Variants in RMDN2 observed in about 807,000 individuals in gnomAD.
RMDN2 encodes regulator of microtubule dynamics protein 2.
A neutral mutation model predicts 52.8 loss-of-function variants in RMDN2; 61 were observed. The observed-to-expected ratio is 1.16, with a 90% CI of 0.94 to 1.43. The LOEUF is 1.43. Ranked by LOEUF, RMDN2 falls within the 40% of genes most tolerant of loss-of-function variation. RMDN2 has a pLI of 0.00. For synonymous variants in RMDN2, 180 were observed against 153.1 expected, an observed-to-expected ratio of 1.18 and a Z score of -1.30; for missense variants, 592 against 475.3, an observed-to-expected ratio of 1.25 and a Z score of -2.28.
chr2:38,014,089 A>G (rs1471115378), intron 10 of RMDN2, among the ~76,000 whole-genome samples: 1 of 151,856 alleles, frequency 6.6e-6, no homozygotes, highest in Non-Finnish European at 1.5e-5. Context: ...GCACATGCCT[A>G]TAATCCCAGC....
At chr2:38,025,306 G>C (rs1679695653) in intron 10 of RMDN2, among the ~76,000 whole-genome samples, 2 of 151,842 alleles carry the variant, frequency 1.3e-5, no homozygotes, top group African/African-American at 4.8e-5. Flanking sequence ...ATTGTATATA[G>C]AAATGCAGTT....
At chr2:37,978,041 G>T (rs183526675) in intron 4 of RMDN2, among the ~76,000 whole-genome samples, 295 of 152,286 alleles carry the variant, frequency 1.9e-3, no homozygotes, top group African/African-American at 6.7e-3. Flanking sequence ...ATTGAGCACT[G>T]AGTGAGTGAG....
At chr2:37,996,601 G>GAAAAAAAAAAAAAAAAAAAAAAAA (rs1161536445) in intron 7 of RMDN2, among the ~76,000 whole-genome samples, 3 of 58,004 alleles carry the variant, frequency 5.2e-5, no homozygotes, top group African/African-American at 7.6e-5. Flanking sequence ...AAAAAAAAAA[G>GAAAAAAAAAAAAAAAAAAAAAAAA]AAAAAAAAAA....
chr2:38,042,174 A>G (rs1311418541), intron 10 of RMDN2, among the ~76,000 whole-genome samples: 1 of 152,008 alleles, frequency 6.6e-6, no homozygotes, highest in Non-Finnish European at 1.5e-5. Flanking sequence ...GTGTGTTTTG[A>G]TAGTTTGTGT....
At chr2:38,038,156 C>G (rs1680711333) in intron 10 of RMDN2, among the ~76,000 whole-genome samples, 1 of 152,114 alleles carries the variant, frequency 6.6e-6, no homozygotes, top group Non-Finnish European at 1.5e-5. Context: ...TCCATTTCAG[C>G]CAGCAAAAAT....
At chr2:38,008,721 T>C (rs912543625) in intron 10 of RMDN2, among the ~76,000 whole-genome samples, 4 of 152,218 alleles carry the variant, frequency 2.6e-5, no homozygotes, top group African/African-American at 9.7e-5. Context: ...GTTAATATTG[T>C]TATGTGTGAA....
intron 2 of RMDN2, among the ~76,000 whole-genome samples, chr2:37,967,690 C>T (rs1401615853): frequency 1.3e-5 from 2 of 152,238 alleles, no homozygotes; most frequent in Admixed American, 1.3e-4. Context: ...TACTCCTGCT[C>T]ATTCCTCTCA....
In RMDN2 at chr2:38,004,166, G is replaced by A; in HGVS notation, c.1129G>A (p.Ala377Thr). 1 of 1,613,770 alleles carries A rather than the reference G, an allele frequency of 6.2e-7. No individual in the cohort carries two copies. Among genetic ancestry groups the A allele is most frequent in the Non-Finnish European group, 8.5e-7 (1 of 1,179,812 alleles). The change falls in exon 10 of 11, where the codon GCT becomes ACT. Residue 377 changes from alanine (A) to threonine (T), a missense_variant. Coordinates refer to ENST00000354545, the MANE Select transcript of RMDN2 (RefSeq NM_001170791.3). ...TACTGATCTTGAGGAAAACCAGAAT[G>A]CTTTGAAGTTCTGTAATTTGGCTTT... Reference protein sequence around the residue: ...CYTDLEENQNALKFCNLALLL... With the variant: ...CYTDLEENQNTLKFCNLALLL...
downstream of RMDN2, among the ~76,000 whole-genome samples, chr2:38,019,632 A>G (rs760414078): frequency 6.6e-6 from 1 of 152,206 alleles, no homozygotes; most frequent in African/African-American, 2.4e-5. Flanking sequence ...GCCCCCTTCC[A>G]GAGTCATACT....
intron 2 of RMDN2, among the ~76,000 whole-genome samples, chr2:37,933,483 T>C (rs1020274559): frequency 1.3e-5 from 2 of 152,238 alleles, no homozygotes; most frequent in South Asian, 2.1e-4. Flanking sequence ...CTGGGCACCA[T>C]TGAGCACTGA....
chr2:38,052,555 G>T (rs1681665310), intron 10 of RMDN2, among the ~76,000 whole-genome samples: 1 of 152,120 alleles, frequency 6.6e-6, no homozygotes, highest in African/African-American at 2.4e-5. Flanking sequence ...CATTTTTGCT[G>T]TGTTGCTGGT....
intron 10 of RMDN2, among the ~76,000 whole-genome samples, chr2:38,045,348 C>T (rs1285432576): frequency 6.6e-6 from 1 of 152,178 alleles, no homozygotes; most frequent in Non-Finnish European, 1.5e-5. Flanking sequence ...AACACTCTTA[C>T]ACTCTTAGCA....
At chr2:38,009,790 T>G (rs984891181) in intron 10 of RMDN2, among the ~76,000 whole-genome samples, 1 of 152,206 alleles carries the variant, frequency 6.6e-6, no homozygotes. Flanking sequence ...GGCGCTCTGA[T>G]TTTTAGAGTT....
intron 6 of RMDN2, among the ~76,000 whole-genome samples, chr2:37,989,838 G>A (rs1006196933): frequency 3.3e-5 from 5 of 152,148 alleles, no homozygotes; most frequent in African/African-American, 1.2e-4. Context: ...AAATTATTTG[G>A]GTGATTAAAG....
intron 4 of RMDN2, among the ~76,000 whole-genome samples, chr2:37,979,246 GAGA>G (rs760925738): frequency 2.0e-5 from 3 of 152,144 alleles, no homozygotes; most frequent in African/African-American, 2.4e-5. Context: ...GGAGGAGGGA[GAGA>G]AGGAGAGGCA....
downstream of RMDN2, among the ~76,000 whole-genome samples, chr2:38,017,987 G>C (rs1679031487): frequency 6.6e-6 from 1 of 152,186 alleles, no homozygotes; most frequent in African/African-American, 2.4e-5. Flanking sequence ...GAGCCAGGAT[G>C]AGCCCGGAGA....
intron 8 of RMDN2, among the ~76,000 whole-genome samples, chr2:38,003,599 G>GATAGATAGATAA: frequency 1.3e-5 from 2 of 152,036 alleles, no homozygotes; most frequent in East Asian, 3.9e-4. Flanking sequence ...TAGATAGATA[G>GATAGATAGATAA]ATAGGCAGAC....
chr2:37,950,765 A>G (rs563400696), intron 2 of RMDN2, among the ~76,000 whole-genome samples: 54 of 152,296 alleles, frequency 3.5e-4, no homozygotes, highest in African/African-American at 1.2e-3. Flanking sequence ...CATGGTTAAT[A>G]TTTTAAAATA....
chr2:37,954,252 C>T (rs963883007), intron 2 of RMDN2, among the ~76,000 whole-genome samples: 1 of 151,936 alleles, frequency 6.6e-6, no homozygotes, highest in Admixed American at 6.6e-5. Context: ...CTTTTAGTGC[C>T]ACATCCAATA....
Sources: gnomAD v4.1 joint callset for allele counts (sites outside exome capture counted in the v4.1 genomes callset) on GRCh38, gnomAD v4.1.1 for gene constraint, MANE v1.5 for transcripts, NCBI Gene and HGNC (gene_info 2026-07-23, HGNC 2026-07-21) for gene names.